The following AP3B2 variants were observed in gnomAD, a reference collection of about 807,000 sequenced individuals.
The protein encoded by AP3B2 is adaptor related protein complex 3 subunit beta 2.
A neutral mutation model predicts 126.9 loss-of-function variants in AP3B2; 50 were observed. The ratio of observed to expected loss-of-function variants is 0.39; its 90% CI spans 0.31 to 0.50. The LOEUF is 0.50. Ranked by LOEUF, AP3B2 falls within the 20% of genes least tolerant of loss-of-function variation. The pLI, the probability that AP3B2 is intolerant of heterozygous loss-of-function variation, is 0.79. For synonymous variants in AP3B2, 541 were observed against 565.0 expected, an observed-to-expected ratio of 0.96 and a Z score of 0.60; for missense variants, 1,177 against 1,426.4, an observed-to-expected ratio of 0.83 and a Z score of 2.82.
chr15:82,671,464 C>A (rs1330892415), intron 14 of AP3B2, among the ~76,000 whole-genome samples: 1 of 151,942 alleles, frequency 6.6e-6, no homozygotes, highest in Non-Finnish European at 1.5e-5. Context: ...ATAGGCCGGG[C>A]ACGGTGGCTC....
intron 4 of AP3B2, among the ~76,000 whole-genome samples, chr15:82,682,047 C>CTTTTTT (rs769028602): frequency 0.022 from 1,731 of 79,910 alleles, 228 homozygotes; most frequent in African/African-American, 0.082. Flanking sequence ...TAGGCCCTTC[C>CTTTTTT]TTTTTTTTTT....
chr15:82,709,658 G>A lies in AP3B2; in HGVS notation c.49C>T (p.Pro17Ser), dbSNP rs772421688. The A allele has an allele frequency of 6.6e-7, 1 of 1,515,474 alleles. No homozygotes were observed. The highest frequency in any genetic ancestry group is 8.8e-7 in the Non-Finnish European group (1 of 1,134,424). 93.9% of individuals were successfully genotyped at this position (1,515,474 alleles called of 1,614,324 possible). The change falls in exon 1 of 27, where the codon CCC becomes TCC. Residue 17 changes from proline to serine, a missense_variant. Around this residue, in one of 5 missense-constraint regions of AP3B2, gnomAD observed 49 missense variants for 39.3 expected, o/e 1.25. Coordinates refer to ENST00000535359, the MANE Select transcript of AP3B2 (RefSeq NM_001278512.2). The part of the protein sequence containing the change: ...YSEDKGGSAG[P>S]GEPEYGHDPA... ...TCGTGGCCGTACTCGGGCTCCCCGG[G>A]GCCAGCGGAGCCGCCCTTGTCTTCG...
intron 3 of AP3B2, 129 bp from the exon 4 acceptor site, chr15:82,688,960 C>T (rs1022695040): frequency 9.9e-7 from 1 of 1,006,062 alleles, no homozygotes; most frequent in Non-Finnish European, 1.5e-6. Context: ...TGGGGGAGAG[C>T]ACCCCTGAGT....
chr15:82,689,222 C>A lies in AP3B2; in HGVS notation c.200G>T (p.Arg67Leu), dbSNP rs1186907391. The A allele has an allele frequency of 6.2e-7, 1 of 1,613,898 alleles. No individual in the cohort carries two copies. The highest frequency in any genetic ancestry group is 8.5e-7 in the Non-Finnish European group (1 of 1,179,894). The change falls in exon 3 of 27, where the codon CGA (arginine) becomes CTA (leucine). Residue 67 changes from arginine (R) to leucine (L), a missense_variant. Around this residue, in one of 5 missense-constraint regions of AP3B2, gnomAD observed 130 missense variants for 262.0 expected, o/e 0.50. Coordinates refer to ENST00000535359, the MANE Select transcript of AP3B2 (RefSeq NM_001278512.2). ...AMKRIVAMIA[R>L]GKNASDLFPA... ...AAACAGGTCTGAAGCATTCTTTCCT[C>A]GGGCAATCATCTGGGTGGTGGGGTC...
At chr15:82,704,648 C>T (rs986571874) in intron 1 of AP3B2, among the ~76,000 whole-genome samples, 9 of 152,282 alleles carry the variant, frequency 5.9e-5, no homozygotes, top group African/African-American at 2.2e-4. Context: ...CTGGCAGCCA[C>T]TCCCAGAGCC....
chr15:82,677,211 T>C (rs2151438474), intron 13 of AP3B2, 63 bp downstream of exon 13: 1 of 1,332,432 alleles, frequency 7.5e-7, no homozygotes. Context: ...TATGTAATTA[T>C]ACAGTCTTGA....
Position 82,662,120 on chromosome 15 carries a change from T to C in AP3B2, c.2918+48A>G, listed in dbSNP as rs531787689. The C allele has an allele frequency of 5.3e-6, 8 of 1,514,668 alleles. No individual in the cohort carries two copies. The African/African-American group carries it at 8.2e-5, about 16-fold the overall frequency. The allele number at this position is 1,514,668 out of a possible 1,614,324, so 93.8% of individuals were successfully genotyped here. ...CCATTTCCAGTTCATTGTTACCCTGTCCCTTTCCAGCCCATCCTCTCACCC... is the reference window on the plus strand; with the variant it reads ...CCATTTCCAGTTCATTGTTACCCTGCCCCTTTCCAGCCCATCCTCTCACCC... On this transcript the variant is annotated intron_variant, in intron 24 of 26. Coordinates refer to ENST00000535359, the MANE Select transcript of AP3B2 (RefSeq NM_001278512.2).
At chr15:82,679,870 C>G (rs2048304116) in intron 9 of AP3B2, 70 bp from the exon 10 acceptor site, 1 of 1,417,866 alleles carries the variant, frequency 7.1e-7, no homozygotes, top group African/African-American at 1.4e-5. Flanking sequence ...AGAGACACCC[C>G]TCCTATCCTG....
chr15:82,689,461 G>A lies in AP3B2; in HGVS notation c.114-8C>T, dbSNP rs768130337. Reference sequence around the variant, plus strand: ...TCCTTCAGGTCATCATGCCTGGTGGGAGGTACAAGAAGTCAGCTGAGGGCA... The same window carrying A: ...TCCTTCAGGTCATCATGCCTGGTGGAAGGTACAAGAAGTCAGCTGAGGGCA... On this transcript the variant is annotated splice_region_variant and splice_polypyrimidine_tract_variant and intron_variant, in intron 1 of 26. Transcript: ENST00000535359. The A allele has an allele frequency of 2.5e-5, 41 of 1,612,672 alleles. No homozygotes were observed. Among genetic ancestry groups the A allele is most frequent in the Non-Finnish European group, 3.3e-5 (39 of 1,179,468 alleles).
intron 4 of AP3B2, among the ~76,000 whole-genome samples, chr15:82,682,639 C>T (rs1174116759): frequency 1.3e-5 from 2 of 151,668 alleles, no homozygotes; most frequent in Middle Eastern, 3.2e-3. Context: ...TCACTTGAGC[C>T]CAGGGAGTTG....
At chr15:82,662,615 A>G in intron 23 of AP3B2, 79 bp downstream of exon 23, 2 of 1,376,448 alleles carry the variant, frequency 1.5e-6, no homozygotes, top group Non-Finnish European at 2.0e-6. Context: ...GGCCTGGCAC[A>G]AGGAGGGTAT....
intron 14 of AP3B2, among the ~76,000 whole-genome samples, 193 bp downstream of exon 14, chr15:82,676,268 G>T (rs1013854994): frequency 6.6e-6 from 1 of 152,156 alleles, no homozygotes; most frequent in Non-Finnish European, 1.5e-5. Flanking sequence ...CTTCAACAGT[G>T]ACCACCAGCA....
At chr15:82,683,047 G>GTTTTTTTTTTTTTTTTTTTTTTTTT (rs61213011) in intron 4 of AP3B2, among the ~76,000 whole-genome samples, 2 of 77,716 alleles carry the variant, frequency 2.6e-5, no homozygotes, top group Non-Finnish European at 5.1e-5. Flanking sequence ...TGCACCAGGA[G>GTTTTTTTTTTTTTTTTTTTTTTTTT]TTTTTTTTTT....
At chr15:82,691,975 A>G in intron 1 of AP3B2, 2 of 1,441,722 alleles carry the variant, frequency 1.4e-6, no homozygotes, top group Non-Finnish European at 1.9e-6. Flanking sequence ...CATCGGCATA[A>G]CAGACATCCC....
In AP3B2 at chr15:82,688,781, T is replaced by C. The variant is rs2048474889; in HGVS notation, c.315A>G (p.Gln105=). The C allele has an allele frequency of 6.2e-7, 1 of 1,613,212 alleles. No individual in the cohort carries two copies. Among genetic ancestry groups the C allele is most frequent in the Non-Finnish European group, 8.5e-7 (1 of 1,179,598 alleles). Reference sequence around the variant, plus strand: ...TGGAGATGGACAGCAGGGCCAGGTCTTGCTGCTCCTCAGCGTAGCGTACCA... The same window carrying C: ...TGGAGATGGACAGCAGGGCCAGGTCCTGCTGCTCCTCAGCGTAGCGTACCA... ...VYLVRYAEEQ[Q]DLALLSISTF... The change falls in exon 4 of 27, where the codon CAA becomes CAG. Residue 105 remains glutamine, a synonymous_variant. Coordinates refer to ENST00000535359, the MANE Select transcript of AP3B2 (RefSeq NM_001278512.2).
chr15:82,688,936 A>T, intron 3 of AP3B2, 105 bp from the exon 4 acceptor site: 1 of 1,174,982 alleles, frequency 8.5e-7, no homozygotes, highest in Non-Finnish European at 1.2e-6. Flanking sequence ...GTCCATGGGG[A>T]CAAACTCTCC....
At chr15:82,662,571 G>A in intron 23 of AP3B2, 123 bp downstream of exon 23, 2 of 903,744 alleles carry the variant, frequency 2.2e-6, no homozygotes, top group Non-Finnish European at 3.4e-6. Flanking sequence ...GATCATGTTA[G>A]ATGCTATCTC....
chr15:82,680,409 C>G lies in AP3B2; in HGVS notation c.1055+63G>C. Reference sequence around the variant, plus strand: ...GGCTGGTGGGCGTGAGGGGGCGGAGCCGGGCAGCCCGTGGGGCGGGGCAGG... The same window carrying G: ...GGCTGGTGGGCGTGAGGGGGCGGAGGCGGGCAGCCCGTGGGGCGGGGCAGG... On this transcript the variant is annotated intron_variant, in intron 8 of 26. Coordinates refer to ENST00000535359, the MANE Select transcript of AP3B2 (RefSeq NM_001278512.2). The surrounding 1 kb of genome is among the most constrained non-coding windows in gnomAD (Gnocchi z 6.1). 7.0e-7 allele frequency: 1 copy of G among 1,431,016 alleles called. No homozygotes were observed. Among genetic ancestry groups the G allele is most frequent in the Non-Finnish European group, 9.2e-7 (1 of 1,090,428 alleles). 88.6% of individuals were successfully genotyped at this position (1,431,016 alleles called of 1,614,324 possible). A position where few individuals can be genotyped will look rare whatever the true frequency, so the allele number is the denominator to read the frequency against.
chr15:82,704,122 G>A (rs905479469), intron 1 of AP3B2, among the ~76,000 whole-genome samples: 5 of 152,178 alleles, frequency 3.3e-5, no homozygotes, highest in Non-Finnish European at 7.3e-5. Flanking sequence ...TGCCAAATCA[G>A]TTAGTATTTA....
Sources: allele counts gnomAD v4.1 joint callset (sites outside exome capture counted in the v4.1 genomes callset), GRCh38; gene constraint gnomAD v4.1.1; regional missense constraint gnomAD v4.1.1; non-coding constraint Gnocchi (gnomAD v3.1); transcripts MANE v1.5; gene names NCBI Gene and HGNC (gene_info 2026-07-23, HGNC 2026-07-21).